Variants in CLSTN3 observed in about 807,000 individuals in gnomAD.
CLSTN3 encodes calsyntenin-3.
A neutral mutation model predicts 95.9 loss-of-function variants in CLSTN3; 36 were observed. The observed-to-expected ratio is 0.38, with a 90% CI of 0.29 to 0.50. The LOEUF (loss-of-function observed/expected upper bound fraction) is 0.50. CLSTN3 is among the 20% of genes least tolerant of loss of function. The probability of loss-of-function intolerance (pLI) is 0.95; values close to 1 mark genes in which losing one functional copy is unlikely to be tolerated. For missense variants in CLSTN3, 1,084 were observed against 1,268.8 expected (o/e 0.85, Z 2.21); for synonymous variants, 481 against 504.0 (o/e 0.95, Z 0.61).
intron 16 of CLSTN3, among the ~76,000 whole-genome samples, chr12:7,151,821 G>A (rs150572948): frequency 6.6e-6 from 1 of 152,318 alleles, no homozygotes; most frequent in African/African-American, 2.4e-5. Context: ...ACTAGGCTGA[G>A]TCAGGAGGCT....
Position 7,131,093 on chromosome 12 carries a change from C to T in CLSTN3, c.64+381C>T, listed in dbSNP as rs765661246. The T allele has an allele frequency of 1.3e-3, 525 of 395,330 alleles. 2 individuals carry two copies. The highest frequency in any genetic ancestry group is 9.0e-3 in the African/African-American group (443 of 48,964). The allele number at this position is 395,330 out of a possible 1,614,324, so 24.5% of individuals were successfully genotyped here. A position where few individuals can be genotyped will look rare whatever the true frequency, so the allele number is the denominator to read the frequency against. On this transcript the variant is annotated intron_variant, in intron 1 of 17. Transcript: ENST00000266546. ...TCCCCGCGGCTCTCCCTTTCACTGG[C>T]GCATGCTAAGGGTGTGTGGCAGATC...
At chr12:7,136,100 T>C in intron 5 of CLSTN3, 106 bp from the exon 6 acceptor site, 1 of 1,506,856 alleles carries the variant, frequency 6.6e-7, no homozygotes, top group South Asian at 1.3e-5. Flanking sequence ...CGGGCCATCC[T>C]GCCAGGAGCC....
rs1939838395 is a variant in CLSTN3, at chr12:7,157,483, C to T, written c.2528-6C>T. 1 of 1,567,990 alleles carries T rather than the reference C, an allele frequency of 6.4e-7. No homozygotes were observed. On this transcript the variant is annotated splice_region_variant and splice_polypyrimidine_tract_variant and intron_variant, in intron 16 of 17. Coordinates refer to ENST00000266546, the MANE Select transcript of CLSTN3 (RefSeq NM_014718.4). The surrounding 1 kb of genome is among the most constrained non-coding windows in gnomAD (Gnocchi z 5.9). Reference sequence around the variant, plus strand: ...CGCTCTGCTCACCCCCGCGCTCTCTCTGCAGTGATACCCAGCGCCGCAACC... The same window carrying T: ...CGCTCTGCTCACCCCCGCGCTCTCTTTGCAGTGATACCCAGCGCCGCAACC...
chr12:7,157,914 C>G lies in CLSTN3; in HGVS notation c.2731-27C>G. 1 of 1,549,008 alleles carries G rather than the reference C, an allele frequency of 6.5e-7. No individual in the cohort carries two copies. The highest frequency in any genetic ancestry group is 8.7e-7 in the Non-Finnish European group (1 of 1,146,890). On this transcript the variant is annotated intron_variant, in intron 17 of 17. Transcript: ENST00000266546. The surrounding 1 kb of genome is among the most constrained non-coding windows in gnomAD (Gnocchi z 5.9). Reference sequence around the variant, plus strand: ...TGGGATGTGTGCAGGCCATTGATCCCTTCTCCTCTCTGTTCCTGCCCTCCA... The same window carrying G: ...TGGGATGTGTGCAGGCCATTGATCCGTTCTCCTCTCTGTTCCTGCCCTCCA...
intron 16 of CLSTN3, among the ~76,000 whole-genome samples, chr12:7,154,888 C>T (rs115905084): frequency 4.1e-4 from 62 of 152,330 alleles, no homozygotes; most frequent in African/African-American, 1.4e-3. Context: ...AACATGCGTA[C>T]TATGAGATGC....
rs770288033 is a variant in CLSTN3 at position 7,135,455 on chromosome 12, G to A, written c.512G>A (p.Gly171Asp). The change falls in exon 4 of 18, where the codon GGT becomes GAT. Residue 171 changes from glycine to aspartate, a missense_variant. Physicochemically the swap from Gly to Asp is moderately conservative, Grantham distance 94 (BLOSUM62 -1). Transcript: ENST00000266546. ...ATCCTGCGGGTGGAAGCCATTGACG[G>A]TGACTGCTCCCCCCAGTACAGCCAG... ...DRILRVEAID[G>D]DCSPQYSQIC... 46 of 1,613,982 alleles carry A rather than the reference G, an allele frequency of 2.9e-5. No individual in the cohort carries two copies. Among genetic ancestry groups the A allele is most frequent in the Non-Finnish European group, 3.8e-5 (45 of 1,180,012 alleles).
At chr12:7,156,224 C>G in intron 16 of CLSTN3, 1 of 454,868 alleles carries the variant, frequency 2.2e-6, no homozygotes. Context: ...AGTAGTGACC[C>G]AGCTGCCCGT....
At position 7,157,863 on chromosome 12, in the gene CLSTN3, G is replaced by A. The variant is rs1478486113; in HGVS notation, c.2731-78G>A. 2 of 1,531,400 alleles carry A rather than the reference G, an allele frequency of 1.3e-6. No homozygotes were observed. The highest frequency in any genetic ancestry group is 4.9e-5 in the East Asian group (2 of 40,756). 94.9% of individuals were successfully genotyped at this position (1,531,400 alleles called of 1,614,324 possible). On this transcript the variant is annotated intron_variant, in intron 17 of 17. Transcript: ENST00000266546. This position sits in a 1 kb window ranked among gnomAD's most constrained non-coding sequence, Gnocchi z 5.9. ...GTACACAGGGGTTAAGGGGACCGAG[G>A]GAAGTGTGGTCCCTGAAAGAGAGGC... is the stretch of plus-strand genomic sequence containing the variant.
chr12:7,135,543 C>G lies in CLSTN3; in HGVS notation c.592+8C>G, dbSNP rs754688978. 6.2e-7 allele frequency: 1 copy of G among 1,613,290 alleles called. No individual in the cohort carries two copies. The highest frequency in any genetic ancestry group is 1.3e-5 in the African/African-American group (1 of 74,878). ...TCCTCATTGACAATGACGGTGAGTC[C>G]ACCCCTGGCTTCCCTGGCCACCCAG... On this transcript the variant is annotated splice_region_variant and intron_variant, in intron 4 of 17. Transcript: ENST00000266546.
In CLSTN3 at chr12:7,150,470, G is replaced by A; in HGVS notation, c.2246-74G>A. ...CAGCTTGTGTGGCGTCAGCTGGTGG[G>A]AGTCCAGGAGAGAGGGTCCTGCCCA... is the stretch of plus-strand genomic sequence containing the variant. On this transcript the variant is annotated intron_variant, in intron 14 of 17. Transcript: ENST00000266546. The surrounding 1 kb of genome is among the most constrained non-coding windows in gnomAD (Gnocchi z 4.0). 1 of 1,532,446 alleles carries A rather than the reference G, an allele frequency of 6.5e-7. No homozygotes were observed. The highest frequency in any genetic ancestry group is 8.9e-7 in the Non-Finnish European group (1 of 1,129,896). 94.9% of individuals were successfully genotyped at this position (1,532,446 alleles called of 1,614,324 possible). A position where few individuals can be genotyped will look rare whatever the true frequency, so the allele number is the denominator to read the frequency against.
upstream of CLSTN3, chr12:7,129,721 G>T: frequency 1.0e-6 from 1 of 985,464 alleles, no homozygotes; most frequent in Non-Finnish European, 1.2e-6. The surrounding 1 kb of genome is among the most constrained non-coding windows in gnomAD (Gnocchi z 5.5). Flanking sequence ...ACCTGCCATC[G>T]TCCCGGGCTT....
rs985289986 is a variant in CLSTN3, at chr12:7,155,144, T to G, written c.2528-2345T>G. Reference sequence around the variant, plus strand: ...CATGGACCATTTGCTAAGTCACCCCTTAATGTTGGCTCTGGAGGTCATTCA... The same window carrying G: ...CATGGACCATTTGCTAAGTCACCCCGTAATGTTGGCTCTGGAGGTCATTCA... On this transcript the variant is annotated intron_variant, in intron 16 of 17. Transcript: ENST00000266546. Among the ~76,000 whole-genome samples, 5 of 152,206 alleles carry G rather than the reference T, an allele frequency of 3.3e-5. No homozygotes were observed. In the South Asian group the frequency reaches 1.0e-3, roughly 32 times the overall value.
intron 16 of CLSTN3, among the ~76,000 whole-genome samples, chr12:7,154,486 C>T (rs138755792): frequency 7.2e-4 from 110 of 152,104 alleles, no homozygotes; most frequent in Middle Eastern, 3.4e-3. Context: ...ATTTGAGAAC[C>T]GGGGGTAGAT....
At chr12:7,139,524 A>T (rs1939490701) in intron 8 of CLSTN3, among the ~76,000 whole-genome samples, 1 of 152,212 alleles carries the variant, frequency 6.6e-6, no homozygotes, top group Non-Finnish European at 1.5e-5. Flanking sequence ...ATCAGGTTGT[A>T]CAGTGGACTT....
At chr12:7,130,191 GC>G, upstream of CLSTN3, 1 of 185,214 alleles carries the variant, frequency 5.4e-6, no homozygotes, top group Non-Finnish European at 1.1e-5. Flanking sequence ...TTCCTCCCCA[GC>G]CCCCGCAGTT....
In CLSTN3 at chr12:7,149,765, A is replaced by G; in HGVS notation, c.2245+72A>G. The G allele has an allele frequency of 7.0e-7, 1 of 1,430,058 alleles. No individual in the cohort carries two copies. The highest frequency in any genetic ancestry group is 9.5e-7 in the Non-Finnish European group (1 of 1,048,306). The allele number at this position is 1,430,058 out of a possible 1,614,324, so 88.6% of individuals were successfully genotyped here. On this transcript the variant is annotated intron_variant, in intron 14 of 17. Coordinates refer to ENST00000266546, the MANE Select transcript of CLSTN3 (RefSeq NM_014718.4). This position sits in a 1 kb window ranked among gnomAD's most constrained non-coding sequence, Gnocchi z 4.5. ...CAAAAAGTAAGGGCCTAGGAAGCCC[A>G]GAGGGTCCTCCTTCCAGGTCCAGGG...
At chr12:7,154,650 C>G (rs1939785805) in intron 16 of CLSTN3, among the ~76,000 whole-genome samples, 1 of 151,950 alleles carries the variant, frequency 6.6e-6, no homozygotes, top group Admixed American at 6.6e-5. Flanking sequence ...TAAATTATAC[C>G]CTAGAATGTC....
intron 12 of CLSTN3, among the ~76,000 whole-genome samples, chr12:7,144,164 C>T (rs777929416): frequency 2.8e-4 from 40 of 140,510 alleles, no homozygotes; most frequent in African/African-American, 9.9e-4. Flanking sequence ...ACCCAGGAGG[C>T]GGAGGTTTCA....
At position 7,150,883 on chromosome 12, in the gene CLSTN3, A is replaced by G; in HGVS notation, c.2392-45A>G. On this transcript the variant is annotated intron_variant, in intron 15 of 17. Coordinates refer to ENST00000266546, the MANE Select transcript of CLSTN3 (RefSeq NM_014718.4). The surrounding 1 kb of genome is among the most constrained non-coding windows in gnomAD (Gnocchi z 4.0). Reference sequence around the variant, plus strand: ...GCTGGGGTCTAGAGAAGTGGGGAGGACCTGGGAGAAGCGTGTGTGCCCATG... The same window carrying G: ...GCTGGGGTCTAGAGAAGTGGGGAGGGCCTGGGAGAAGCGTGTGTGCCCATG... 6.4e-7 allele frequency: 1 copy of G among 1,551,562 alleles called. No homozygotes were observed. Among genetic ancestry groups the G allele is most frequent in the Non-Finnish European group, 8.7e-7 (1 of 1,143,076 alleles).
Sources: gnomAD v4.1 joint callset for allele counts (sites outside exome capture counted in the v4.1 genomes callset) on GRCh38, gnomAD v4.1.1 for gene constraint, Gnocchi (gnomAD v3.1) non-coding constraint, MANE v1.5 for transcripts, NCBI Gene and HGNC (gene_info 2026-07-23, HGNC 2026-07-21) for gene names.